Variants in RNF168 observed in about 807,000 individuals in gnomAD.
The protein encoded by RNF168 is ring finger protein 168.
RNF168 carries 34 observed loss-of-function variants against 34.9 expected under a neutral mutation model. That is an observed-to-expected ratio of 0.97 (90% CI 0.74 to 1.30). The LOEUF (loss-of-function observed/expected upper bound fraction) is 1.30, where lower values mean the gene tolerates loss of function less well. Among genes scored for constraint, RNF168 ranks in the 50% most tolerant of loss-of-function variants. RNF168 has a pLI of 0.00. For synonymous variants in RNF168, 264 were observed against 254.7 expected (o/e 1.04, Z -0.35); for missense variants, 725 against 682.5 (o/e 1.06, Z -0.69).
At chr3:196,488,343 GTA>G (rs1732506633) in intron 2 of RNF168, among the ~76,000 whole-genome samples, 1 of 151,644 alleles carries the variant, frequency 6.6e-6, no homozygotes, top group Admixed American at 6.6e-5. Flanking sequence ...TTAGCCAGGC[GTA>G]GTGGCGGGCG....
intron 1 of RNF168, among the ~76,000 whole-genome samples, chr3:196,491,742 G>GT (rs933816855): frequency 1.9e-4 from 29 of 149,588 alleles, no homozygotes; most frequent in East Asian, 3.9e-4. Context: ...CCAACACTTG[G>GT]TTTTTTTTTT....
intron 4 of RNF168, among the ~76,000 whole-genome samples, chr3:196,479,824 T>C (rs1408922037): frequency 1.3e-5 from 2 of 152,278 alleles, no homozygotes; most frequent in Non-Finnish European, 2.9e-5. Flanking sequence ...ACTCCTGACC[T>C]CAAGTGATCT....
chr3:196,483,357 G>A (rs1259953452), intron 4 of RNF168, among the ~76,000 whole-genome samples: 2 of 152,194 alleles, frequency 1.3e-5, no homozygotes, highest in African/African-American at 4.8e-5. Context: ...CTGGAGGGGT[G>A]TTGTGGTGAA....
chr3:196,480,460 A>C (rs1732259779), intron 4 of RNF168, among the ~76,000 whole-genome samples: 1 of 152,214 alleles, frequency 6.6e-6, no homozygotes, highest in Non-Finnish European at 1.5e-5. Flanking sequence ...TTTATTGATT[A>C]GTATTGTGTG....
rs1560265004 is a variant in RNF168 at position 196,471,815 on chromosome 3, G to C, written c.*4C>G. 1 of 1,581,856 alleles carries C rather than the reference G, an allele frequency of 6.3e-7. No individual in the cohort carries two copies. The highest frequency in any genetic ancestry group is 1.1e-5 in the South Asian group (1 of 90,398). On this transcript the variant is annotated 3_prime_UTR_variant, in exon 6 of 6. Transcript: ENST00000318037. The stretch of plus-strand genomic sequence containing the variant: ...AGATCACAAAGCACTCCCTTTACCA[G>C]GCCTTACTTTGTGCATCTCTGAAAC...
Position 196,475,215 on chromosome 3 carries a change from T to C in RNF168, c.762+16A>G. The C allele has an allele frequency of 7.1e-7, 1 of 1,416,956 alleles. No homozygotes were observed. Among genetic ancestry groups the C allele is most frequent in the Non-Finnish European group, 1.0e-6 (1 of 999,848 alleles). 87.8% of individuals were successfully genotyped at this position (1,416,956 alleles called of 1,614,324 possible). ...ATGAACCAGCAAAACTCAGAACATC[T>C]TCAGTATCAACATACCTTAGATACG... On this transcript the variant is annotated intron_variant, in intron 5 of 5. Transcript: ENST00000318037.
chr3:196,503,060 C>G lies in RNF168; in HGVS notation c.114G>C (p.Pro38=), dbSNP rs1732942671. ...TLPCNHTLCK[P]CFQSTVEKAS... is the part of the protein sequence containing the mutation. ...CCTTTTCGACGGTCGACTGGAAGCA[C>G]GGTTTACACAGCGTGTGGTTACACG... Residue 38 remains proline (P), a synonymous_variant, in exon 1 of 6, where the codon CCG becomes CCC. Transcript: ENST00000318037. The G allele has an allele frequency of 6.2e-7, 1 of 1,614,150 alleles. No homozygotes were observed. Among genetic ancestry groups the G allele is most frequent in the Non-Finnish European group, 8.5e-7 (1 of 1,180,030 alleles).
In RNF168 at chr3:196,471,771, TTCACATTCCA is replaced by T; in HGVS notation, c.*38_*47del. The T allele has an allele frequency of 8.3e-7, 1 of 1,206,790 alleles. No individual in the cohort carries two copies. Among genetic ancestry groups the T allele is most frequent in the South Asian group, 1.2e-5 (1 of 82,706 alleles). The allele number at this position is 1,206,790 out of a possible 1,614,324, so 74.8% of individuals were successfully genotyped here. On this transcript the variant is annotated 3_prime_UTR_variant, in exon 6 of 6. Coordinates refer to ENST00000318037, the MANE Select transcript of RNF168 (RefSeq NM_152617.4). ...TGAAGATTCCATGATAGGAAAGAGC[TTCACATTCCA>T]GCTTTACTAGATCACAAAGCACTCC...
rs1344483245 is a variant in RNF168, at chr3:196,487,404, C to T, written c.553G>A (p.Asp185Asn). ...CGTTCCCTCCTAAAACTTACAATAT[C>T]AATGCTTAGCTTTCTTGCCAGTTCC... is the stretch of plus-strand genomic sequence containing the variant. ...DEELARKLSIDINNFCEGSIS... is the reference protein window; with the variant it reads ...DEELARKLSININNFCEGSIS... The change falls in exon 3 of 6, where the codon GAT becomes AAT. Residue 185 changes from aspartate to asparagine, a missense_variant. Physicochemically the swap from Asp to Asn is conservative, Grantham distance 23 (BLOSUM62 1). Coordinates refer to ENST00000318037, the MANE Select transcript of RNF168 (RefSeq NM_152617.4). 1 of 1,613,710 alleles carries T rather than the reference C, an allele frequency of 6.2e-7. No individual in the cohort carries two copies. The highest frequency in any genetic ancestry group is 8.5e-7 in the Non-Finnish European group (1 of 1,179,584).
chr3:196,479,886 C>G (rs1263745936), intron 4 of RNF168, among the ~76,000 whole-genome samples: 1 of 152,180 alleles, frequency 6.6e-6, no homozygotes, highest in Non-Finnish European at 1.5e-5. Context: ...GCTACTGCGC[C>G]CGGCTTGTGA....
rs186502041 is a variant in RNF168 at position 196,477,266 on chromosome 3, G to T, written c.681-1954C>A. On this transcript the variant is annotated intron_variant, in intron 4 of 5. Transcript: ENST00000318037. Reference sequence around the variant, plus strand: ...CCCAAAATGTTGGTTGTCTCCAAATGGTGGAAACTTTGGGTGATTTTCAAA... The same window carrying T: ...CCCAAAATGTTGGTTGTCTCCAAATTGTGGAAACTTTGGGTGATTTTCAAA... Among the ~76,000 whole-genome samples, 137 of 152,284 alleles carry T rather than the reference G, an allele frequency of 9.0e-4. 1 individual carries two copies. The highest frequency in any genetic ancestry group is 1.6e-3 in the Non-Finnish European group (110 of 68,018).
chr3:196,498,088 G>A (rs1002274844), intron 1 of RNF168, among the ~76,000 whole-genome samples: 11 of 152,156 alleles, frequency 7.2e-5, no homozygotes, highest in African/African-American at 1.2e-4. Flanking sequence ...AAGATGTACG[G>A]CAACCAGAAC....
At chr3:196,475,167 G>T in intron 5 of RNF168, 64 bp downstream of exon 5, 1 of 908,952 alleles carries the variant, frequency 1.1e-6, no homozygotes, top group Non-Finnish European at 1.8e-6. Flanking sequence ...GAAAACTATG[G>T]ATAGCACTAA....
intron 3 of RNF168, among the ~76,000 whole-genome samples, chr3:196,486,106 G>A (rs183849749): frequency 6.6e-6 from 1 of 152,212 alleles, no homozygotes; most frequent in African/African-American, 2.4e-5. Flanking sequence ...TTTCTTACAG[G>A]CAGCAATTTA....
At chr3:196,485,440 G>A (rs957261204) in intron 3 of RNF168, among the ~76,000 whole-genome samples, 2 of 151,720 alleles carry the variant, frequency 1.3e-5, no homozygotes, top group Non-Finnish European at 2.9e-5. Context: ...CGGGAGTTGA[G>A]GTTGCACTAC....
intron 4 of RNF168, among the ~76,000 whole-genome samples, chr3:196,480,104 A>T (rs1021028226): frequency 1.3e-5 from 2 of 152,188 alleles, no homozygotes; most frequent in Non-Finnish European, 2.9e-5. Flanking sequence ...ACACACAAAA[A>T]TTCACCAGAA....
At chr3:196,489,885 G>GA (rs1164411158) in intron 1 of RNF168, among the ~76,000 whole-genome samples, 3 of 152,288 alleles carry the variant, frequency 2.0e-5, no homozygotes, top group African/African-American at 7.2e-5. Context: ...TTTCTCCCTG[G>GA]ATATGGGTGC....
intron 5 of RNF168, among the ~76,000 whole-genome samples, chr3:196,474,333 C>T (rs1732089231): frequency 6.8e-6 from 1 of 147,970 alleles, no homozygotes; most frequent in South Asian, 2.1e-4. Flanking sequence ...GATGGGGTTT[C>T]ACCACATTGG....
chr3:196,473,716 G>A (rs374165709), intron 5 of RNF168, among the ~76,000 whole-genome samples: 7 of 152,066 alleles, frequency 4.6e-5, no homozygotes, highest in South Asian at 2.1e-4. Flanking sequence ...TTAGCCGGGC[G>A]TGGGGGTATA....
Sources: gnomAD v4.1 joint callset for allele counts (sites outside exome capture counted in the v4.1 genomes callset) on GRCh38, gnomAD v4.1.1 for gene constraint, MANE v1.5 for transcripts, NCBI Gene and HGNC (gene_info 2026-07-23, HGNC 2026-07-21) for gene names.